MTTP: variants seen among roughly 807,000 people sequenced by gnomAD.
MTTP encodes microsomal triglyceride transfer protein large subunit.
MTTP carries 49 observed loss-of-function variants against 90.6 expected under a neutral mutation model. The ratio of observed to expected loss-of-function variants is 0.54; its 90% confidence interval spans 0.43 to 0.69. The LOEUF (loss-of-function observed/expected upper bound fraction) is 0.69. Ranked by LOEUF, MTTP falls within the 30% of genes least tolerant of loss-of-function variation. MTTP has a pLI of 0.00. For missense variants in MTTP, 945 were observed against 1,067.5 expected (o/e 0.89, Z 1.60); for synonymous variants, 347 against 384.2 (o/e 0.90, Z 1.13).
chr4:99,616,101 G>A (rs1444292930), intron 15 of MTTP, among the ~76,000 whole-genome samples: 1 of 152,110 alleles, frequency 6.6e-6, no homozygotes, highest in South Asian at 2.1e-4. Context: ...TAGTAGAAAA[G>A]TCTTCACCCA....
chr4:99,587,337 G>A (rs1331847120), intron 3 of MTTP, among the ~76,000 whole-genome samples: 1 of 152,070 alleles, frequency 6.6e-6, no homozygotes, highest in Admixed American at 6.6e-5. Flanking sequence ...TAGTTCTGGG[G>A]AAGCAATAAA....
intron 3 of MTTP, among the ~76,000 whole-genome samples, chr4:99,589,439 C>A (rs571915395): frequency 6.6e-6 from 1 of 152,012 alleles, no homozygotes; most frequent in Non-Finnish European, 1.5e-5. Context: ...CCTTCATTAT[C>A]GGTCTCCCTA....
intron 16 of MTTP, among the ~76,000 whole-genome samples, chr4:99,620,255 C>T (rs541728604): frequency 9.2e-5 from 14 of 152,314 alleles, no homozygotes; most frequent in Admixed American, 5.2e-4. Context: ...TTTTAATTTG[C>T]GCAGCAAAAA....
intron 8 of MTTP, among the ~76,000 whole-genome samples, chr4:99,598,556 G>A (rs1414409112): frequency 6.7e-6 from 1 of 148,906 alleles, no homozygotes; most frequent in Non-Finnish European, 1.5e-5. Flanking sequence ...CAACACACAT[G>A]TAGTGTAGTG....
chr4:99,601,580 C>A, intron 9 of MTTP, 27 bp from the exon 10 acceptor site: 2 of 1,447,598 alleles, frequency 1.4e-6, no homozygotes, highest in Non-Finnish European at 9.7e-7. Context: ...GTCTTGGTAA[C>A]CTATTTTATC....
chr4:99,603,241 A>G (rs1480155584), intron 10 of MTTP, among the ~76,000 whole-genome samples: 2 of 152,150 alleles, frequency 1.3e-5, no homozygotes. Context: ...CAGTGGAGAC[A>G]CAGGAAAGAT....
rs371307089 is a variant in MTTP, at chr4:99,581,953, C to T, written c.110C>T (p.Thr37Met). The T allele has an allele frequency of 3.0e-5, 49 of 1,614,016 alleles. No homozygotes were observed. The highest frequency in any genetic ancestry group is 1.6e-4 in the Middle Eastern group (1 of 6,084). The change falls in exon 2 of 18, where the codon ACG becomes ATG. Residue 37 changes from threonine (T) to methionine (M), a missense_variant. By Grantham distance (81) the Thr-to-Met change is moderately conservative (BLOSUM62 -1). Transcript: ENST00000265517. ...AATAATGACCGGCTGTACAAGCTCA[C>T]GTACTCCACTGAAGTTCTTCTTGAT... ...SLNNDRLYKL[T>M]YSTEVLLDRG...
intron 3 of MTTP, 27 bp from the exon 4 acceptor site, chr4:99,589,616 T>A (rs1282289434): frequency 1.5e-5 from 20 of 1,337,448 alleles, no homozygotes; most frequent in Non-Finnish European, 2.0e-5. Flanking sequence ...TTGCTTCATT[T>A]GTGTTCTGTT....
intron 17 of MTTP, 22 bp downstream of exon 17, chr4:99,621,253 A>G: frequency 6.2e-7 from 1 of 1,613,184 alleles, no homozygotes; most frequent in South Asian, 1.1e-5. Context: ...CGTTCAGGTC[A>G]TGTTCCAGGA....
intron 7 of MTTP, among the ~76,000 whole-genome samples, chr4:99,596,220 A>G (rs1725548853): frequency 6.6e-6 from 1 of 152,196 alleles, no homozygotes; most frequent in Admixed American, 6.5e-5. Context: ...ATTAAAAGTA[A>G]TGAATAATTT....
At chr4:99,569,713 CCTTTTT>C (rs1346361037) in intron 1 of MTTP, among the ~76,000 whole-genome samples, 1 of 151,882 alleles carries the variant, frequency 6.6e-6, no homozygotes, top group Non-Finnish European at 1.5e-5. Flanking sequence ...TTGTTCTAAT[CCTTTTT>C]CTGTGCTCAT....
At chr4:99,607,031 G>T (rs2110228912) in intron 11 of MTTP, 71 bp downstream of exon 11, 1 of 1,320,728 alleles carries the variant, frequency 7.6e-7, no homozygotes, top group South Asian at 1.3e-5. Context: ...TGAGTCAAAT[G>T]CAAATTCCGC....
chr4:99,588,769 A>G (rs1281401581), intron 3 of MTTP, among the ~76,000 whole-genome samples: 6 of 78,084 alleles, frequency 7.7e-5, no homozygotes, highest in African/African-American at 1.4e-4. Flanking sequence ...ACATATATAT[A>G]TGTTCATATA....
At chr4:99,583,228 C>G in intron 2 of MTTP, 146 bp from the exon 3 acceptor site, 1 of 909,368 alleles carries the variant, frequency 1.1e-6, no homozygotes, top group Non-Finnish European at 1.7e-6. Flanking sequence ...AAGTGAGTGG[C>G]AAGGTCCTAT....
Position 99,622,785 on chromosome 4 carries a change from C to T in MTTP, c.2622C>T (p.Asn874=). 2 of 1,614,102 alleles carry T rather than the reference C, an allele frequency of 1.2e-6. No individual in the cohort carries two copies. The highest frequency in any genetic ancestry group is 1.7e-6 in the Non-Finnish European group (2 of 1,180,002). The change falls in exon 18 of 18, where the codon AAC becomes AAT. Residue 874 remains asparagine, a synonymous_variant. Coordinates refer to ENST00000265517, the MANE Select transcript of MTTP (RefSeq NM_001386140.1). ...GTGAATTCCCGCTCCATCAAGAGAA[C>T]TCAGAGATGTGCAAAGTGGTGTTTG... is the stretch of plus-strand genomic sequence containing the variant. ...AGCEFPLHQE[N]SEMCKVVFAP...
Position 99,564,540 on chromosome 4 carries a change from C to T in MTTP, c.-102+303C>T, listed in dbSNP as rs140722628. 2.7e-3 allele frequency: 797 copies of T among 294,656 alleles called. 2 individuals carry two copies. The highest frequency in any genetic ancestry group is 3.6e-3 in the Non-Finnish European group (568 of 157,458). 18.3% of individuals were successfully genotyped at this position (294,656 alleles called of 1,614,324 possible). On this transcript the variant is annotated intron_variant, in intron 1 of 18. Coordinates refer to the MTTP transcript ENST00000457717. The stretch of plus-strand genomic sequence containing the variant: ...TTATTCATTCCTTGAGCTATTTTTC[C>T]TATGCTGTTTTGCAAAACATCAGAT...
At chr4:99,574,686 A>T, upstream of MTTP, 2 of 975,452 alleles carry the variant, frequency 2.1e-6, no homozygotes, top group Non-Finnish European at 3.1e-6. Context: ...AAAAAGAGTG[A>T]GAGACTGAAA....
At chr4:99,607,170 A>G (rs1236177984) in intron 11 of MTTP, among the ~76,000 whole-genome samples, 1 of 152,212 alleles carries the variant, frequency 6.6e-6, no homozygotes, top group Non-Finnish European at 1.5e-5. Flanking sequence ...AAGCATAAAT[A>G]TTGAAGCATA....
chr4:99,568,325 G>A (rs13131135), intron 1 of MTTP, among the ~76,000 whole-genome samples: 1 of 151,966 alleles, frequency 6.6e-6, no homozygotes, highest in Non-Finnish European at 1.5e-5. Flanking sequence ...CATGATATAA[G>A]GTTAACATGC....
Sources: gnomAD v4.1 joint callset for allele counts (sites outside exome capture counted in the v4.1 genomes callset) on GRCh38, gnomAD v4.1.1 for gene constraint, MANE v1.5 for transcripts, NCBI Gene and HGNC (gene_info 2026-07-23, HGNC 2026-07-21) for gene names.